EFL1: variants seen among roughly 807,000 people sequenced by gnomAD.
EFL1 encodes elongation factor like GTPase 1, also known as elongation factor-like GTPase 1.
In EFL1, 76 loss-of-function variants were observed where a neutral mutation model predicts 126.7. The observed-to-expected ratio is 0.60, with a 90% CI of 0.50 to 0.73. EFL1 has a LOEUF of 0.73. Ranked by LOEUF, EFL1 falls within the 30% of genes least tolerant of loss-of-function variation. The pLI, the probability that EFL1 is intolerant of heterozygous loss-of-function variation, is 0.00. For missense variants in EFL1, 1,128 were observed against 1,343.2 expected (o/e 0.84, Z 2.50); for synonymous variants, 410 against 448.4 (o/e 0.91, Z 1.08).
At chr15:82,240,366 C>T in intron 6 of EFL1, 52 bp downstream of exon 6, 1 of 1,528,954 alleles carries the variant, frequency 6.5e-7, no homozygotes, top group Non-Finnish European at 8.8e-7. Flanking sequence ...CAGTAACTTC[C>T]TTACAACTCT....
chr15:82,131,919 A>G (rs971527678), intron 19 of EFL1, among the ~76,000 whole-genome samples: 1 of 152,248 alleles, frequency 6.6e-6, no homozygotes, highest in African/African-American at 2.4e-5. Context: ...AGATTAAAAA[A>G]AAAGTCTCAA....
intron 15 of EFL1, among the ~76,000 whole-genome samples, chr15:82,211,674 T>C (rs2074592516): frequency 6.7e-6 from 1 of 148,610 alleles, no homozygotes; most frequent in African/African-American, 2.5e-5. Flanking sequence ...CTTTGAAAAG[T>C]TGCTTTTATT....
chr15:82,200,994 A>G, intron 15 of EFL1, among the ~76,000 whole-genome samples: 1 of 152,038 alleles, frequency 6.6e-6, no homozygotes, highest in Non-Finnish European at 1.5e-5. Context: ...GCAATCTTCC[A>G]CCTGGGTAGC....
At chr15:82,261,392 T>C (rs930175202) in intron 2 of EFL1, among the ~76,000 whole-genome samples, 1 of 152,196 alleles carries the variant, frequency 6.6e-6, no homozygotes, top group South Asian at 2.1e-4. Context: ...GGACATTATG[T>C]CAAGACTACA....
intron 15 of EFL1, among the ~76,000 whole-genome samples, chr15:82,178,059 G>A (rs1033936861): frequency 6.6e-6 from 1 of 152,126 alleles, no homozygotes; most frequent in African/African-American, 2.4e-5. Context: ...GATTTTCAGG[G>A]GAAGCCCCTT....
At chr15:82,144,555 T>C (rs1268683584) in intron 18 of EFL1, among the ~76,000 whole-genome samples, 1 of 152,206 alleles carries the variant, frequency 6.6e-6, no homozygotes, top group Non-Finnish European at 1.5e-5. Flanking sequence ...AATTACTTTA[T>C]ATAATTAAGC....
At chr15:82,175,203 T>G (rs1230728697) in intron 15 of EFL1, among the ~76,000 whole-genome samples, 1 of 152,196 alleles carries the variant, frequency 6.6e-6, no homozygotes, top group Non-Finnish European at 1.5e-5. Context: ...CTTGGGATTT[T>G]TGAGACTATT....
intron 4 of EFL1, among the ~76,000 whole-genome samples, chr15:82,250,599 G>A (rs1596009836): frequency 6.6e-6 from 1 of 151,262 alleles, no homozygotes; most frequent in East Asian, 1.9e-4. Context: ...CAAAGATGAA[G>A]ACATGACAGT....
At chr15:82,174,064 C>A (rs1210991294) in intron 15 of EFL1, among the ~76,000 whole-genome samples, 1 of 152,050 alleles carries the variant, frequency 6.6e-6, no homozygotes, top group East Asian at 1.9e-4. Context: ...TGGCGGAAGC[C>A]TATAGTCCCA....
chr15:82,207,307 T>TATATATATATACACAC (rs141904056), intron 15 of EFL1, among the ~76,000 whole-genome samples: 7 of 145,414 alleles, frequency 4.8e-5, no homozygotes, highest in African/African-American at 1.8e-4. Flanking sequence ...TATATATATA[T>TATATATATATACACAC]ACACACACAC....
Position 82,255,688 on chromosome 15 carries a change from AT to A in EFL1, c.160-2914del, listed in dbSNP as rs549700646. Among the ~76,000 whole-genome samples, 993 of 151,612 alleles carry A rather than the reference AT, an allele frequency of 6.5e-3. 9 individuals carry two copies. Among genetic ancestry groups the A allele is most frequent in the African/African-American group, 0.022 (928 of 41,348 alleles). ...GTGTGTGGTGTTAACTAGAGGTCCA[AT>A]TTTTTTTTCCACAGGGATAACCAGT... On this transcript the variant is annotated intron_variant, in intron 3 of 19. Transcript: ENST00000268206.
intron 1 of EFL1, 55 bp from the exon 2 acceptor site, chr15:82,261,852 GA>G: frequency 1.5e-6 from 2 of 1,373,976 alleles, no homozygotes; most frequent in Non-Finnish European, 1.0e-6. Flanking sequence ...CGGGGCAAAA[GA>G]AAAAAATAAT....
At chr15:82,202,616 A>ATC (rs1196167025) in intron 15 of EFL1, among the ~76,000 whole-genome samples, 19 of 152,152 alleles carry the variant, frequency 1.2e-4, no homozygotes, top group Admixed American at 1.2e-3. Flanking sequence ...AGAAGAGAGG[A>ATC]TCAGAGAGGT....
chr15:82,170,405 C>T (rs529182892), intron 15 of EFL1, among the ~76,000 whole-genome samples: 14 of 152,226 alleles, frequency 9.2e-5, no homozygotes, highest in Admixed American at 5.2e-4. Context: ...TGAGCCACCG[C>T]GCCCGGCCCC....
chr15:82,211,531 A>G (rs1043012792), intron 15 of EFL1, among the ~76,000 whole-genome samples: 3 of 106,736 alleles, frequency 2.8e-5, no homozygotes, highest in Non-Finnish European at 4.1e-5. Flanking sequence ...GTCTCAAAGA[A>G]AAAAAAAAAA....
chr15:82,240,218 A>G (rs2074916790), intron 6 of EFL1, among the ~76,000 whole-genome samples, 200 bp downstream of exon 6: 1 of 152,210 alleles, frequency 6.6e-6, no homozygotes. Context: ...CAAGCTTTAT[A>G]TGATGGGTGA....
At chr15:82,194,842 A>G (rs534067301) in intron 15 of EFL1, among the ~76,000 whole-genome samples, 21 of 152,342 alleles carry the variant, frequency 1.4e-4, no homozygotes, top group Admixed American at 1.2e-3. Flanking sequence ...CTAGTAGTCA[A>G]TGTTTTCGGA....
At chr15:82,204,681 C>T (rs1200007696) in intron 15 of EFL1, among the ~76,000 whole-genome samples, 1 of 152,228 alleles carries the variant, frequency 6.6e-6, no homozygotes, top group Non-Finnish European at 1.5e-5. Context: ...GTCTCACTAT[C>T]TGTTCCTTGA....
rs775274299 is a variant in EFL1 at position 82,220,269 on chromosome 15, T to C, written c.1293-40A>G. ...AAATATGCTGTCATCTCTCAGTTCA[T>C]CCAAGTAGGGAAACAGCAAGCATTG... On this transcript the variant is annotated intron_variant, in intron 12 of 19. Coordinates refer to ENST00000268206, the MANE Select transcript of EFL1 (RefSeq NM_024580.6). 2.0e-6 allele frequency: 3 copies of C among 1,535,782 alleles called. No homozygotes were observed. The South Asian group carries it at 3.8e-5, about 20-fold the overall frequency.
Sources: allele counts gnomAD v4.1 joint callset (sites outside exome capture counted in the v4.1 genomes callset), GRCh38; gene constraint gnomAD v4.1.1; transcripts MANE v1.5; gene names NCBI Gene and HGNC (gene_info 2026-07-23, HGNC 2026-07-21).